Variants in SEL1L observed in about 807,000 individuals in gnomAD.
SEL1L encodes protein sel-1 homolog 1.
SEL1L carries 52 observed loss-of-function variants against 109.8 expected under a neutral mutation model. The ratio of observed to expected loss-of-function variants is 0.47; its 90% CI spans 0.38 to 0.60. The LOEUF is 0.60. SEL1L is among the 20% of genes least tolerant of loss of function. The probability of loss-of-function intolerance (pLI) is 0.00; values close to 1 mark genes in which losing one functional copy is unlikely to be tolerated. For synonymous variants in SEL1L, 373 were observed against 339.6 expected (o/e 1.10, Z -1.08); for missense variants, 749 against 962.2 (o/e 0.78, Z 2.93).
chr14:81,503,937 G>A (rs1184101230), intron 5 of SEL1L, among the ~76,000 whole-genome samples: 1 of 152,094 alleles, frequency 6.6e-6, no homozygotes, highest in Non-Finnish European at 1.5e-5. Flanking sequence ...TGCATGCTTG[G>A]TTCTTAGAAA....
In SEL1L at chr14:81,474,850, T is replaced by C. The variant is rs1300508767; in HGVS notation, c.*2122A>G. 1 of 152,216 alleles carries C rather than the reference T, an allele frequency of 6.6e-6. No homozygotes were observed. The highest frequency in any genetic ancestry group is 1.5e-5 in the Non-Finnish European group (1 of 68,024). 9.4% of individuals were successfully genotyped at this position (152,216 alleles called of 1,614,324 possible). A position where few individuals can be genotyped will look rare whatever the true frequency, so the allele number is the denominator to read the frequency against. The stretch of plus-strand genomic sequence containing the variant: ...TAAACTAATAAGAAGTGTGTTTTTA[T>C]ATGAACAACAAGACTGCACTTTCCC... On this transcript the variant is annotated 3_prime_UTR_variant, in exon 21 of 21. Coordinates refer to ENST00000336735, the MANE Select transcript of SEL1L (RefSeq NM_005065.6).
At chr14:81,533,039 T>G (rs1885396081) in intron 1 of SEL1L, among the ~76,000 whole-genome samples, 1 of 152,178 alleles carries the variant, frequency 6.6e-6, no homozygotes, top group South Asian at 2.1e-4. Context: ...ACGCATCTTA[T>G]AAGAACCAAG....
intron 10 of SEL1L, among the ~76,000 whole-genome samples, 199 bp downstream of exon 10, chr14:81,497,693 A>G (rs1883825844): frequency 6.6e-6 from 1 of 150,804 alleles, no homozygotes; most frequent in Non-Finnish European, 1.5e-5. Flanking sequence ...CCCATCCCAC[A>G]CTAACCCAAA....
chr14:81,511,596 C>T (rs923029026), intron 3 of SEL1L, among the ~76,000 whole-genome samples: 1 of 152,224 alleles, frequency 6.6e-6, no homozygotes, highest in African/African-American at 2.4e-5. Flanking sequence ...CAAAAAAAGC[C>T]TTTTCATGAA....
intron 3 of SEL1L, among the ~76,000 whole-genome samples, chr14:81,506,950 T>G (rs948839727): frequency 1.3e-5 from 2 of 152,212 alleles, no homozygotes; most frequent in Non-Finnish European, 2.9e-5. Context: ...GTGTGATGGA[T>G]GCTATGGAAA....
intron 7 of SEL1L, 38 bp downstream of exon 7, chr14:81,499,571 T>C (rs1480326902): frequency 8.1e-6 from 13 of 1,609,098 alleles, no homozygotes; most frequent in Non-Finnish European, 1.0e-5. Flanking sequence ...TTTATTCAAT[T>C]CAAATTGTAA....
intron 3 of SEL1L, among the ~76,000 whole-genome samples, chr14:81,517,228 G>A (rs564010910): frequency 4.6e-5 from 7 of 152,268 alleles, no homozygotes; most frequent in South Asian, 2.1e-4. Flanking sequence ...CAGGAAAGCT[G>A]GCTTGCTGGA....
intron 3 of SEL1L, among the ~76,000 whole-genome samples, chr14:81,515,146 G>T (rs918138607): frequency 6.6e-6 from 1 of 152,064 alleles, no homozygotes; most frequent in African/African-American, 2.4e-5. Context: ...AATCTCCAAA[G>T]GACCACAAAC....
chr14:81,527,100 C>T, intron 2 of SEL1L, 136 bp from the exon 3 acceptor site: 3 of 665,426 alleles, frequency 4.5e-6, no homozygotes, highest in South Asian at 3.6e-5. Flanking sequence ...TCTCTATAGG[C>T]TTTGGCATGT....
At chr14:81,523,374 A>T (rs1274104500) in intron 3 of SEL1L, among the ~76,000 whole-genome samples, 3 of 152,138 alleles carry the variant, frequency 2.0e-5, no homozygotes, top group Non-Finnish European at 4.4e-5. Flanking sequence ...AGCTGAGCAC[A>T]TGGAGATTCC....
At chr14:81,478,880 T>C (rs534836963) in intron 20 of SEL1L, among the ~76,000 whole-genome samples, 3 of 152,328 alleles carry the variant, frequency 2.0e-5, no homozygotes, top group East Asian at 1.9e-4. Flanking sequence ...ACATCATCCT[T>C]TTCTGGTCCT....
At chr14:81,508,852 T>G (rs889987426) in intron 3 of SEL1L, among the ~76,000 whole-genome samples, 3 of 152,212 alleles carry the variant, frequency 2.0e-5, no homozygotes, top group Non-Finnish European at 4.4e-5. Flanking sequence ...AAACTTGTAT[T>G]TTCTAAATGT....
At chr14:81,492,716 A>G (rs893341522) in intron 11 of SEL1L, among the ~76,000 whole-genome samples, 168 bp from the exon 12 acceptor site, 2 of 152,246 alleles carry the variant, frequency 1.3e-5, no homozygotes, top group Non-Finnish European at 2.9e-5. Flanking sequence ...CAGTACATCT[A>G]GAAGTTTTAT....
intron 10 of SEL1L, among the ~76,000 whole-genome samples, chr14:81,495,359 C>T (rs1445615308): frequency 2.0e-5 from 3 of 152,170 alleles, no homozygotes; most frequent in Non-Finnish European, 4.4e-5. Flanking sequence ...CCATTTGCGG[C>T]CAGGTGCGGT....
chr14:81,496,763 T>C (rs1487279784), intron 10 of SEL1L, among the ~76,000 whole-genome samples: 3 of 151,912 alleles, frequency 2.0e-5, no homozygotes, highest in East Asian at 1.9e-4. Context: ...TAAAAAGCAA[T>C]GAAAAGGTAA....
At chr14:81,513,823 TC>T (rs966551904) in intron 3 of SEL1L, among the ~76,000 whole-genome samples, 3 of 152,152 alleles carry the variant, frequency 2.0e-5, no homozygotes, top group African/African-American at 7.2e-5. Flanking sequence ...CCTGTACTTC[TC>T]GGCTGAGCCA....
At chr14:81,523,949 T>TACAAAC (rs1196839258) in intron 3 of SEL1L, among the ~76,000 whole-genome samples, 2 of 151,962 alleles carry the variant, frequency 1.3e-5, no homozygotes, top group Admixed American at 1.3e-4. Flanking sequence ...ACAAAACAAA[T>TACAAAC]ACAAACAAAC....
At position 81,504,268 on chromosome 14, in the gene SEL1L, C is replaced by T. The variant is rs1884137601; in HGVS notation, c.547G>A (p.Ala183Thr). ...EAAKRRQMQEAEMMYQTGMKI... is the reference protein window; with the variant it reads ...EAAKRRQMQETEMMYQTGMKI... ...ATTCCAGTTTGATACATCATTTCTG[C>T]TTCCTGCATCTGCCGTCTCTTAGCA... The change falls in exon 5 of 21, where the codon GCA becomes ACA. Residue 183 changes from alanine (A) to threonine (T), a missense_variant. By Grantham distance (58) the Ala-to-Thr change is moderately conservative. This residue lies in a region of SEL1L where 366 missense variants were observed against 399.8 expected (regional missense o/e 0.92). Coordinates refer to ENST00000336735, the MANE Select transcript of SEL1L (RefSeq NM_005065.6). The T allele has an allele frequency of 1.9e-6, 3 of 1,599,968 alleles. No homozygotes were observed. In the Admixed American group the frequency reaches 5.2e-5, roughly 28 times the overall value.
chr14:81,478,611 G>A (rs183637798), intron 20 of SEL1L, among the ~76,000 whole-genome samples: 16 of 152,256 alleles, frequency 1.1e-4, no homozygotes, highest in African/African-American at 1.4e-4. Flanking sequence ...AATTGGCAGC[G>A]GTTACAGCAC....
Sources: gnomAD v4.1 joint callset for allele counts (sites outside exome capture counted in the v4.1 genomes callset) on GRCh38, gnomAD v4.1.1 for gene constraint, gnomAD v4.1.1 regional missense constraint, MANE v1.5 for transcripts, NCBI Gene and HGNC (gene_info 2026-07-23, HGNC 2026-07-21) for gene names.